Variants in RBM47 observed in about 807,000 individuals in gnomAD.
RBM47 encodes RNA binding motif protein 47, also known as RNA-binding protein 47.
RBM47 carries 21 observed loss-of-function variants against 47.1 expected under a neutral mutation model. That is an observed-to-expected ratio of 0.45 (90% confidence interval 0.32 to 0.64). The LOEUF (loss-of-function observed/expected upper bound fraction) is 0.64. RBM47 is among the 30% of genes least tolerant of loss of function. The pLI is 0.05. For synonymous variants in RBM47, 375 were observed against 361.7 expected, an observed-to-expected ratio of 1.04 and a Z score of -0.42; for missense variants, 708 against 870.9, an observed-to-expected ratio of 0.81 and a Z score of 2.35.
At chr4:40,494,112 A>AT (rs1340315370) in intron 2 of RBM47, among the ~76,000 whole-genome samples, 1 of 152,146 alleles carries the variant, frequency 6.6e-6, no homozygotes, top group Non-Finnish European at 1.5e-5. Context: ...CTTTTATGTG[A>AT]TACCGGGTAA....
At chr4:40,581,591 C>T (rs1052169220) in intron 1 of RBM47, among the ~76,000 whole-genome samples, 3 of 149,448 alleles carry the variant, frequency 2.0e-5, no homozygotes, top group African/African-American at 7.4e-5. Flanking sequence ...CAGGTTGATA[C>T]AATCTACTTG....
chr4:40,474,662 T>C (rs188148693), intron 2 of RBM47, among the ~76,000 whole-genome samples: 2 of 152,344 alleles, frequency 1.3e-5, no homozygotes, highest in East Asian at 1.9e-4. Flanking sequence ...CTCTCATTTG[T>C]CACATTTTAA....
rs1464005807 is a variant in RBM47, at chr4:40,424,169, A to C, written c.*1735T>G. ...CAAAACAAAAGTACTTGCTAAGGGC[A>C]TGATCCTCTTATGAATCCACAAGAA... On this transcript the variant is annotated 3_prime_UTR_variant, in exon 7 of 7. Coordinates refer to ENST00000295971, the MANE Select transcript of RBM47 (RefSeq NM_001098634.2). The C allele has an allele frequency of 6.6e-6, 1 of 152,334 alleles. No homozygotes were observed. The highest frequency in any genetic ancestry group is 2.4e-5 in the African/African-American group (1 of 41,474). The allele number at this position is 152,334 out of a possible 1,614,324, so 9.4% of individuals were successfully genotyped here.
chr4:40,513,879 C>A (rs1001233244), intron 2 of RBM47, among the ~76,000 whole-genome samples: 1 of 151,876 alleles, frequency 6.6e-6, no homozygotes, highest in African/African-American at 2.4e-5. Flanking sequence ...CCACCATGCC[C>A]GGCTAATTTT....
chr4:40,456,675 C>T (rs576067867), intron 3 of RBM47, among the ~76,000 whole-genome samples: 16 of 149,616 alleles, frequency 1.1e-4, no homozygotes, highest in African/African-American at 3.7e-4. Flanking sequence ...AAGCAATCCT[C>T]CTACCTCGAC....
At chr4:40,466,265 C>CAA (rs55805915) in intron 3 of RBM47, among the ~76,000 whole-genome samples, 37 of 91,638 alleles carry the variant, frequency 4.0e-4, no homozygotes, top group African/African-American at 6.9e-4. Flanking sequence ...GAGACTGTCT[C>CAA]AAAAAAAAAA....
chr4:40,593,996 G>A (rs1447758261), intron 1 of RBM47, among the ~76,000 whole-genome samples: 2 of 151,988 alleles, frequency 1.3e-5, no homozygotes, highest in Non-Finnish European at 2.9e-5. Context: ...AGGTTGCAGT[G>A]AGCTGAGATT....
intron 3 of RBM47, among the ~76,000 whole-genome samples, chr4:40,459,656 A>T (rs1716809924): frequency 6.6e-6 from 1 of 152,240 alleles, no homozygotes; most frequent in Non-Finnish European, 1.5e-5. Context: ...CCCAGGTACT[A>T]TCTGGTGGTA....
At chr4:40,616,021 T>C (rs1364338990) in intron 1 of RBM47, among the ~76,000 whole-genome samples, 2 of 152,194 alleles carry the variant, frequency 1.3e-5, no homozygotes, top group Non-Finnish European at 2.9e-5. Context: ...TAGCTTCTTC[T>C]ACCTCCATCC....
chr4:40,593,295 T>C (rs1353855229), intron 1 of RBM47, among the ~76,000 whole-genome samples: 1 of 151,554 alleles, frequency 6.6e-6, no homozygotes, highest in Non-Finnish European at 1.5e-5. Context: ...GGGACATACA[T>C]TTTTATAAAA....
In RBM47 at chr4:40,429,898, A is replaced by G. The variant is rs145177904; in HGVS notation, c.1542+2753T>C. ...GGGAGGATAAGCAAAGACTGCAAAT[A>G]AGAACCCTGATGGTGGCCGGGCGCG... is the stretch of plus-strand genomic sequence containing the variant. On this transcript the variant is annotated intron_variant, in intron 6 of 6. Transcript: ENST00000295971. 6.8e-3 allele frequency among the ~76,000 whole-genome samples: 1,035 copies of G among 152,042 alleles called. 9 individuals are homozygous for G. The highest frequency in any genetic ancestry group is 0.024 in the African/African-American group (981 of 41,450).
At chr4:40,464,460 CTAA>C (rs1428188904) in intron 3 of RBM47, among the ~76,000 whole-genome samples, 1 of 151,932 alleles carries the variant, frequency 6.6e-6, no homozygotes, top group Non-Finnish European at 1.5e-5. Context: ...TAGCAATACT[CTAA>C]TAATAAAGTT....
chr4:40,572,087 GAA>G (rs34395607), intron 1 of RBM47, among the ~76,000 whole-genome samples: 121 of 125,984 alleles, frequency 9.6e-4, no homozygotes, highest in African/African-American at 2.9e-3. Context: ...AAAACTACTG[GAA>G]AAAAAAAAAA....
At chr4:40,521,864 A>G (rs1027491715) in intron 2 of RBM47, among the ~76,000 whole-genome samples, 1 of 152,168 alleles carries the variant, frequency 6.6e-6, no homozygotes, top group African/African-American at 2.4e-5. Flanking sequence ...AGGAGAAGAA[A>G]AATAATTTTA....
At chr4:40,534,803 C>T (rs950353552) in intron 2 of RBM47, among the ~76,000 whole-genome samples, 6 of 152,016 alleles carry the variant, frequency 3.9e-5, no homozygotes, top group East Asian at 1.9e-4. Flanking sequence ...GGCATGGTGG[C>T]GGGCGCCTGT....
intron 2 of RBM47, among the ~76,000 whole-genome samples, chr4:40,497,857 T>C (rs978218163): frequency 7.4e-5 from 11 of 148,264 alleles, no homozygotes; most frequent in African/African-American, 2.7e-4. Flanking sequence ...GTGGCACATG[T>C]CTATGGTTCC....
intron 2 of RBM47, among the ~76,000 whole-genome samples, chr4:40,508,596 C>T (rs1724444259): frequency 6.6e-6 from 1 of 152,134 alleles, no homozygotes; most frequent in African/African-American, 2.4e-5. Flanking sequence ...AGGCCAGATA[C>T]AAAAGAGTAC....
upstream of RBM47, chr4:40,629,932 A>T (rs1560515158): frequency 6.7e-6 from 1 of 150,148 alleles, no homozygotes; most frequent in Non-Finnish European, 1.5e-5. Context: ...CATCCGCCTC[A>T]CAGTAGCAAG....
chr4:40,430,923 C>A lies in RBM47; in HGVS notation c.1542+1728G>T, dbSNP rs913632811. Among the ~76,000 whole-genome samples, 3 of 151,974 alleles carry A rather than the reference C, an allele frequency of 2.0e-5. No homozygotes were observed. In the East Asian group the frequency reaches 5.8e-4, roughly 29 times the overall value. On this transcript the variant is annotated intron_variant, in intron 6 of 6. Transcript: ENST00000295971. ...GCAACATAGCAAGACTTTGTCCCTACAAATAAAAAAGTTAGCCGGGCATGG... is the reference window on the plus strand; with the variant it reads ...GCAACATAGCAAGACTTTGTCCCTAAAAATAAAAAAGTTAGCCGGGCATGG...
Sources: allele counts gnomAD v4.1 joint callset (sites outside exome capture counted in the v4.1 genomes callset), GRCh38; gene constraint gnomAD v4.1.1; transcripts MANE v1.5; gene names NCBI Gene and HGNC (gene_info 2026-07-23, HGNC 2026-07-21).